The following DIP2C variants were observed in gnomAD, a reference collection of about 807,000 sequenced individuals.
DIP2C encodes the protein DIP2 acetate--CoA ligase C (putative), also known as disco-interacting protein 2 homolog C.
Under a neutral mutation model 192.4 loss-of-function variants are expected in DIP2C, and 33 were observed. The observed-to-expected ratio is 0.17, with a 90% CI of 0.13 to 0.23. DIP2C has a LOEUF of 0.23. Ranked by LOEUF, DIP2C falls within the 10% of genes least tolerant of loss-of-function variation. The pLI, the probability that DIP2C is intolerant of heterozygous loss-of-function variation, is 1.00. For synonymous variants in DIP2C, 979 were observed against 864.1 expected, an observed-to-expected ratio of 1.13 and a Z score of -2.33; for missense variants, 1,537 against 2,110.1, an observed-to-expected ratio of 0.73 and a Z score of 5.32.
chr10:576,075 G>A (rs1385664050), intron 1 of DIP2C, among the ~76,000 whole-genome samples: 3 of 152,194 alleles, frequency 2.0e-5, no homozygotes, highest in Admixed American at 2.0e-4. Flanking sequence ...TCCGGGAGAA[G>A]CAAATGCAGA....
At chr10:524,231 CTT>C in intron 1 of DIP2C, among the ~76,000 whole-genome samples, 1 of 152,326 alleles carries the variant, frequency 6.6e-6, no homozygotes, top group African/African-American at 2.4e-5. Context: ...CCACCTGCTT[CTT>C]GAAGTGGCTG....
rs115386228 is a variant in DIP2C, at chr10:578,142, A to G, written c.86-91612T>C. ...CTCGAAAGCTCTCTATTCTTCTTTTATCCTAAATATCTTCTTTCTCATCCT... is the reference window on the plus strand; with the variant it reads ...CTCGAAAGCTCTCTATTCTTCTTTTGTCCTAAATATCTTCTTTCTCATCCT... On this transcript the variant is annotated intron_variant, in intron 1 of 36. Coordinates refer to ENST00000280886, the MANE Select transcript of DIP2C (RefSeq NM_014974.3). Among the ~76,000 whole-genome samples the G allele has an allele frequency of 8.3e-3, 1,266 of 152,292 alleles. 21 individuals are homozygous for G. The highest frequency in any genetic ancestry group is 0.029 in the African/African-American group (1,195 of 41,560).
chr10:338,423 AG>A (rs1295388475), intron 29 of DIP2C, among the ~76,000 whole-genome samples: 2 of 131,232 alleles, frequency 1.5e-5, no homozygotes, highest in Non-Finnish European at 3.5e-5. Context: ...TGCCCTACAC[AG>A]TTTTTTTTTT....
intron 1 of DIP2C, among the ~76,000 whole-genome samples, chr10:660,550 G>T (rs1014577933): frequency 6.6e-6 from 1 of 152,192 alleles, no homozygotes; most frequent in African/African-American, 2.4e-5. Context: ...TCATGATGTT[G>T]CAGTGAAGGA....
chr10:421,574 C>T (rs1033132118), intron 5 of DIP2C, among the ~76,000 whole-genome samples: 1 of 152,146 alleles, frequency 6.6e-6, no homozygotes, highest in African/African-American at 2.4e-5. Flanking sequence ...ACTGTGATTT[C>T]AAGTACAGGT....
At chr10:544,142 G>T (rs12266646) in intron 1 of DIP2C, among the ~76,000 whole-genome samples, 23,937 of 151,090 alleles carry the variant, frequency 0.16, 3,025 homozygotes, top group African/African-American at 0.36. Flanking sequence ...CGCACAGTGC[G>T]TGACCTTTGG....
At chr10:432,656 T>C (rs1173822591) in intron 4 of DIP2C, among the ~76,000 whole-genome samples, 1 of 152,196 alleles carries the variant, frequency 6.6e-6, no homozygotes, top group Non-Finnish European at 1.5e-5. Flanking sequence ...CTGTTTTCAA[T>C]GTGTTGATTT....
chr10:542,002 G>A (rs1321506228), intron 1 of DIP2C, among the ~76,000 whole-genome samples: 1 of 152,228 alleles, frequency 6.6e-6, no homozygotes, highest in Non-Finnish European at 1.5e-5. Flanking sequence ...GGGACTCCCA[G>A]TGCACACGTT....
intron 6 of DIP2C, among the ~76,000 whole-genome samples, chr10:416,969 A>C (rs1387645157): frequency 2.0e-5 from 3 of 152,236 alleles, no homozygotes; most frequent in African/African-American, 2.4e-5. Flanking sequence ...AATTCAAGGA[A>C]ATTTTTTCTA....
At chr10:437,042 G>A (rs541319788) in intron 4 of DIP2C, among the ~76,000 whole-genome samples, 14 of 143,824 alleles carry the variant, frequency 9.7e-5, no homozygotes, top group African/African-American at 3.1e-4. Flanking sequence ...TCCGCCTCCT[G>A]GACATGGTAG....
At chr10:507,441 C>A (rs1029556428) in intron 1 of DIP2C, among the ~76,000 whole-genome samples, 3 of 151,302 alleles carry the variant, frequency 2.0e-5, no homozygotes, top group African/African-American at 7.3e-5. Context: ...CCTGGTCACC[C>A]GCTATGCACA....
intron 1 of DIP2C, among the ~76,000 whole-genome samples, chr10:518,240 C>T (rs987262062): frequency 6.6e-6 from 1 of 152,248 alleles, no homozygotes. Context: ...CTGGCAACAC[C>T]ACCTGCTGCC....
chr10:575,471 G>A (rs568785072), intron 1 of DIP2C, among the ~76,000 whole-genome samples: 1 of 152,314 alleles, frequency 6.6e-6, no homozygotes, highest in East Asian at 1.9e-4. Flanking sequence ...CTCAGCTTCT[G>A]CCAAAACAAA....
At chr10:477,300 G>A (rs573798687) in intron 2 of DIP2C, among the ~76,000 whole-genome samples, 4 of 15,536 alleles carry the variant, frequency 2.6e-4, no homozygotes, top group African/African-American at 1.0e-3. Flanking sequence ...CGGGAGGAAG[G>A]TGGATGGATA....
At chr10:412,134 G>T (rs1213960096) in intron 8 of DIP2C, among the ~76,000 whole-genome samples, 5 of 152,316 alleles carry the variant, frequency 3.3e-5, no homozygotes, top group African/African-American at 1.2e-4. Flanking sequence ...CACCAACCCT[G>T]TTCAAAGTTC....
At chr10:596,433 T>G (rs1851701768) in intron 1 of DIP2C, among the ~76,000 whole-genome samples, 1 of 131,608 alleles carries the variant, frequency 7.6e-6, no homozygotes, top group East Asian at 2.2e-4. Flanking sequence ...GAGGGAGAGG[T>G]TGCAGTGAGC....
rs771938340 is a variant in DIP2C at position 440,926 on chromosome 10, A to C, written c.339T>G (p.Pro113=). Residue 113 remains proline, a synonymous_variant, in exon 4 of 37, where the codon CCT becomes CCG. Transcript: ENST00000280886. ...HKERKMAVPM[P]SKRRSLVVQT... Reference sequence around the variant, plus strand: ...GCACGACCAGGGACCTGCGTTTGGAAGGCATAGGCACTGCCATCTTCCGCT... The same window carrying C: ...GCACGACCAGGGACCTGCGTTTGGACGGCATAGGCACTGCCATCTTCCGCT... The C allele has an allele frequency of 1.9e-6, 3 of 1,613,764 alleles. No homozygotes were observed. Among genetic ancestry groups the C allele is most frequent in the East Asian group, 2.2e-5 (1 of 44,878 alleles).
chr10:670,182 A>G (rs1031318010), intron 1 of DIP2C, among the ~76,000 whole-genome samples: 5 of 152,148 alleles, frequency 3.3e-5, no homozygotes, highest in Admixed American at 6.5e-5. Flanking sequence ...GAACATGTAC[A>G]CGTGTGTACA....
intron 1 of DIP2C, among the ~76,000 whole-genome samples, chr10:553,130 TAAG>T (rs1221910439): frequency 6.6e-6 from 1 of 152,174 alleles, no homozygotes; most frequent in Non-Finnish European, 1.5e-5. Context: ...CTGACCTCCC[TAAG>T]AAGAGCCAGG....
Sources: gnomAD v4.1 joint callset for allele counts (sites outside exome capture counted in the v4.1 genomes callset) on GRCh38, gnomAD v4.1.1 for gene constraint, MANE v1.5 for transcripts, NCBI Gene and HGNC (gene_info 2026-07-23, HGNC 2026-07-21) for gene names.